ZNF200: variants seen among roughly 807,000 people sequenced by gnomAD.
ZNF200 encodes the protein zinc finger protein 200.
ZNF200 carries 35 observed loss-of-function variants against 33.6 expected under a neutral mutation model. That is an observed-to-expected ratio of 1.04 (90% CI 0.80 to 1.38). ZNF200 has a LOEUF of 1.38. Ranked by LOEUF, ZNF200 falls within the 40% of genes most tolerant of loss-of-function variation. The probability of loss-of-function intolerance (pLI) is 0.00; values close to 1 mark genes in which losing one functional copy is unlikely to be tolerated. For missense variants in ZNF200, 592 were observed against 470.6 expected, an observed-to-expected ratio of 1.26 and a Z score of -2.39; for synonymous variants, 209 against 167.7, an observed-to-expected ratio of 1.25 and a Z score of -1.90.
intron 4 of ZNF200, chr16:3,225,891 A>G (rs950050973): frequency 6.6e-6 from 1 of 150,584 alleles, no homozygotes; most frequent in Non-Finnish European, 1.5e-5. Context: ...TTTCACACCA[A>G]TAGATTTTTT....
Position 3,224,461 on chromosome 16 carries a change from T to A in ZNF200, c.619A>T (p.Thr207Ser). ...ATTTTCCTTTTTTGTGGAATGGATG[T>A]ATTTAGTCGTTCCTTTTCCTGGTTA... ...PDNQEKERLN[T>S]SIPQKRKMRN... is the part of the protein sequence containing the mutation. Residue 207 changes from threonine (T) to serine (S), a missense_variant, in exon 5 of 5, where the codon ACA becomes TCA. Coordinates refer to ENST00000414144, the MANE Select transcript of ZNF200 (RefSeq NM_198088.3). 6.2e-7 allele frequency: 1 copy of A among 1,614,234 alleles called. No individual in the cohort carries two copies. The highest frequency in any genetic ancestry group is 1.1e-5 in the South Asian group (1 of 91,082).
Position 3,233,538 on chromosome 16 carries a change from A to T in ZNF200, c.218T>A (p.Met73Lys). ...CTGAAGGCTTGAGCTCACATCTTTC[A>T]TAATAACCAAGGTCTCCTTGACTTT... ...SQKVKETLVIMKDVSSSLQNR... is the reference protein window; with the variant it reads ...SQKVKETLVIKKDVSSSLQNR... The change falls in exon 2 of 5, where the codon ATG (methionine) becomes AAG (lysine). Residue 73 changes from methionine to lysine, a missense_variant. Met to Lys is a moderately conservative substitution (Grantham distance 95). Coordinates refer to ENST00000414144, the MANE Select transcript of ZNF200 (RefSeq NM_198088.3). 1 of 1,578,246 alleles carries T rather than the reference A, an allele frequency of 6.3e-7. No individual in the cohort carries two copies. The highest frequency in any genetic ancestry group is 8.6e-7 in the Non-Finnish European group (1 of 1,163,236).
At chr16:3,224,912 A>G (rs1958428500) in intron 4 of ZNF200, 3 of 339,738 alleles carry the variant, frequency 8.8e-6, no homozygotes, top group African/African-American at 4.2e-5. Context: ...TATTCACCTT[A>G]TACTCTGTAG....
rs188529828 is a variant in ZNF200 at position 3,229,678 on chromosome 16, A to C, written c.466+2743T>G. ...CAGGAGATTGAGACCATCCTGGCTA[A>C]CATGGTGAAACCCTGTCTCTACTAA... On this transcript the variant is annotated intron_variant, in intron 4 of 4. Coordinates refer to ENST00000414144, the MANE Select transcript of ZNF200 (RefSeq NM_198088.3). Among the ~76,000 whole-genome samples, 541 of 152,278 alleles carry C rather than the reference A, an allele frequency of 3.6e-3. 3 individuals are homozygous for C. The highest frequency in any genetic ancestry group is 0.011 in the African/African-American group (450 of 41,578).
rs1397765548 is a variant in ZNF200 at position 3,233,612 on chromosome 16, C to A, written c.144G>T (p.Glu48Asp). 6.2e-7 allele frequency: 1 copy of A among 1,613,854 alleles called. No homozygotes were observed. Among genetic ancestry groups the A allele is most frequent in the Non-Finnish European group, 8.5e-7 (1 of 1,179,936 alleles). ...GCTTGGGCAAGAAGGTGAGGAAGTG[C>A]TCCAGCACTAGCTGGTGGATGGTCT... ...GPKTIHQLVLEHFLTFLPKPS... is the reference protein window; with the variant it reads ...GPKTIHQLVLDHFLTFLPKPS... The change falls in exon 2 of 5, where the codon GAG (glutamate) becomes GAT (aspartate). Residue 48 changes from glutamate to aspartate, a missense_variant. By Grantham distance (45) the Glu-to-Asp change is conservative. Coordinates refer to ENST00000414144, the MANE Select transcript of ZNF200 (RefSeq NM_198088.3).
intron 4 of ZNF200, among the ~76,000 whole-genome samples, chr16:3,231,436 C>T (rs1341944685): frequency 6.6e-6 from 1 of 152,152 alleles, no homozygotes; most frequent in African/African-American, 2.4e-5. Flanking sequence ...CTTCTAAAAC[C>T]TATTCTCTGT....
chr16:3,224,650 T>C (rs200936424), intron 4 of ZNF200, 37 bp from the exon 5 acceptor site: 1 of 1,541,230 alleles, frequency 6.5e-7, no homozygotes, highest in South Asian at 1.2e-5. Flanking sequence ...TTCTGAGAGA[T>C]ATCACAACAC....
At chr16:3,229,572 A>G (rs532024229) in intron 4 of ZNF200, among the ~76,000 whole-genome samples, 1 of 152,200 alleles carries the variant, frequency 6.6e-6, no homozygotes, top group African/African-American at 2.4e-5. Flanking sequence ...ACTTTTAAAA[A>G]TTAAATAATT....
At chr16:3,229,680 A>C (rs1596338710) in intron 4 of ZNF200, among the ~76,000 whole-genome samples, 2 of 152,272 alleles carry the variant, frequency 1.3e-5, no homozygotes, top group South Asian at 4.1e-4. Context: ...CCTGGCTAAC[A>C]TGGTGAAACC....
chr16:3,233,843 A>G lies in ZNF200; in HGVS notation c.-81-7T>C, dbSNP rs918137695. The G allele has an allele frequency of 1.3e-6, 2 of 1,514,234 alleles. No individual in the cohort carries two copies. Among genetic ancestry groups the G allele is most frequent in the Non-Finnish European group, 1.8e-6 (2 of 1,133,164 alleles). The allele number at this position is 1,514,234 out of a possible 1,614,324, so 93.8% of individuals were successfully genotyped here. On this transcript the variant is annotated splice_polypyrimidine_tract_variant and splice_region_variant and intron_variant, in intron 1 of 4. Transcript: ENST00000414144. Reference sequence around the variant, plus strand: ...AATCTGCCAGAGAGCCAAGCTGTAGACAGAGAAACCAGGGATTACCCAAAA... The same window carrying G: ...AATCTGCCAGAGAGCCAAGCTGTAGGCAGAGAAACCAGGGATTACCCAAAA...
chr16:3,227,169 T>G (rs1567219312), intron 4 of ZNF200: 2 of 152,256 alleles, frequency 1.3e-5, no homozygotes, highest in African/African-American at 4.8e-5. Flanking sequence ...TCAAAACTCC[T>G]GACCTCAGGT....
At position 3,223,858 on chromosome 16, in the gene ZNF200, G is replaced by A. The variant is rs761055013; in HGVS notation, c.*34C>T. On this transcript the variant is annotated 3_prime_UTR_variant, in exon 5 of 5. Coordinates refer to ENST00000414144, the MANE Select transcript of ZNF200 (RefSeq NM_198088.3). ...TACTTATGAAAGCTCTCAGGTTGAG[G>A]CAGCACCATCAGACCCAGAAAGGGT... The A allele has an allele frequency of 6.4e-6, 10 of 1,566,438 alleles. No individual in the cohort carries two copies. Among genetic ancestry groups the A allele is most frequent in the Admixed American group, 1.9e-5 (1 of 52,224 alleles).
chr16:3,224,211 T>C lies in ZNF200; in HGVS notation c.869A>G (p.Asn290Ser), dbSNP rs751681015. ...ATGTTTATTGAGGTTTGTTTTATGA[T>C]TGAAGCTTTTCCCACAGTGATTACA... ...YDCNHCGKSF[N>S]HKTNLNKHER... Residue 290 changes from asparagine (N) to serine (S), a missense_variant, in exon 5 of 5, where the codon AAT (asparagine) becomes AGT (serine). Coordinates refer to ENST00000414144, the MANE Select transcript of ZNF200 (RefSeq NM_198088.3). 34 of 1,614,116 alleles carry C rather than the reference T, an allele frequency of 2.1e-5. No individual in the cohort carries two copies. The South Asian group carries it at 2.5e-4, about 12-fold the overall frequency.
At chr16:3,231,368 C>A (rs140808173) in intron 4 of ZNF200, among the ~76,000 whole-genome samples, 1 of 152,150 alleles carries the variant, frequency 6.6e-6, no homozygotes, top group Non-Finnish European at 1.5e-5. Context: ...TCTGACCATA[C>A]GGTATAATTA....
Position 3,232,599 on chromosome 16 carries a change from C to T in ZNF200, c.340-52G>A, listed in dbSNP as rs187896567. ...CTTAGTAACTGAGGTTCACTGACAG[C>T]CCTACTGGTAAGAAAAGCTGACACA... On this transcript the variant is annotated intron_variant, in intron 3 of 4. Coordinates refer to ENST00000414144, the MANE Select transcript of ZNF200 (RefSeq NM_198088.3). 1.6e-4 allele frequency: 254 copies of T among 1,601,018 alleles called. No homozygotes were observed. In the African/African-American group the frequency reaches 3.0e-3, roughly 19 times the overall value.
In ZNF200 at chr16:3,224,256, G is replaced by A. The variant is rs184396792; in HGVS notation, c.824C>T (p.Thr275Ile). ...ATTACAGTCATAGGGTTTTTCTCCA[G>A]TGTGGGTCCTCTGGTGGGAAATGAG... ...SYLISHQRTH[T>I]GEKPYDCNHC... The change falls in exon 5 of 5, where the codon ACT (threonine) becomes ATT (isoleucine). Residue 275 changes from threonine to isoleucine, a missense_variant. By Grantham distance (89) the Thr-to-Ile change is moderately conservative. Transcript: ENST00000414144. 259 of 1,614,138 alleles carry A rather than the reference G, an allele frequency of 1.6e-4. 3 individuals carry two copies. In the East Asian group the frequency reaches 5.7e-3, roughly 36 times the overall value.
At chr16:3,233,430 T>C in intron 2 of ZNF200, 76 bp downstream of exon 2, 1 of 1,474,770 alleles carries the variant, frequency 6.8e-7, no homozygotes, top group South Asian at 1.5e-5. Flanking sequence ...CTTGAATTTA[T>C]AACTAACACA....
intron 4 of ZNF200, among the ~76,000 whole-genome samples, chr16:3,228,845 A>G (rs1474692317): frequency 6.6e-6 from 1 of 152,158 alleles, no homozygotes; most frequent in African/African-American, 2.4e-5. Flanking sequence ...CAAATATCCA[A>G]ACTATATCAG....
intron 4 of ZNF200, among the ~76,000 whole-genome samples, chr16:3,228,307 CTTATTT>C (rs1057460761): frequency 6.6e-6 from 1 of 151,856 alleles, no homozygotes; most frequent in East Asian, 1.9e-4. Context: ...AATAAATGTT[CTTATTT>C]TTAAGTTTTC....
Sources: allele counts gnomAD v4.1 joint callset (sites outside exome capture counted in the v4.1 genomes callset), GRCh38; gene constraint gnomAD v4.1.1; transcripts MANE v1.5; gene names NCBI Gene and HGNC (gene_info 2026-07-23, HGNC 2026-07-21).